TXLNB: variants seen among roughly 807,000 people sequenced by gnomAD.
TXLNB encodes the protein taxilin beta.
Under a neutral mutation model 57.4 loss-of-function variants are expected in TXLNB, and 37 were observed. That is an observed-to-expected ratio of 0.64 (90% CI 0.50 to 0.85). The LOEUF is 0.85. TXLNB is among the 40% of genes least tolerant of loss of function. TXLNB has a pLI of 0.00. For synonymous variants in TXLNB, 302 were observed against 309.6 expected, an observed-to-expected ratio of 0.98 and a Z score of 0.26; for missense variants, 848 against 825.6, an observed-to-expected ratio of 1.03 and a Z score of -0.33.
intron 3 of TXLNB, 104 bp from the exon 4 acceptor site, chr6:139,270,730 A>AT (rs1454624495): frequency 6.1e-6 from 6 of 979,882 alleles, no homozygotes; most frequent in Admixed American, 5.4e-5. Flanking sequence ...GTTTGGAAAC[A>AT]TTTTTTGCTA....
Position 139,288,719 on chromosome 6 carries a change from G to C in TXLNB, c.181C>G (p.Arg61Gly), listed in dbSNP as rs751023549. 6.2e-7 allele frequency: 1 copy of C among 1,614,016 alleles called. No homozygotes were observed. Among genetic ancestry groups the C allele is most frequent in the Non-Finnish European group, 8.5e-7 (1 of 1,180,032 alleles). ...GTGTTAATGATGTCTTCCAGCTGTC[G>C]ATTCAGCTCTTCAGAGATATCGGGG... is the stretch of plus-strand genomic sequence containing the variant. Reference protein sequence around the residue: ...VHPDISEELNRQLEDIINTYG... With the variant: ...VHPDISEELNGQLEDIINTYG... Residue 61 changes from arginine (R) to glycine (G), a missense_variant, in exon 2 of 10, where the codon CGA (arginine) becomes GGA (glycine). Physicochemically the swap from Arg to Gly is moderately radical, Grantham distance 125. Coordinates refer to ENST00000358430, the MANE Select transcript of TXLNB (RefSeq NM_153235.4).
chr6:139,210,656 C>A, the TXLNB span, among the ~76,000 whole-genome samples: 1 of 152,214 alleles, frequency 6.6e-6, no homozygotes, highest in African/African-American at 2.4e-5. Flanking sequence ...GTGCAGTGCA[C>A]CGTGCGTGAG....
the TXLNB span, chr6:139,178,182 A>G: frequency 6.6e-6 from 1 of 152,236 alleles, no homozygotes; most frequent in Non-Finnish European, 1.5e-5. Flanking sequence ...AATGCATAGC[A>G]GTATGTTTGA....
intron 2 of TXLNB, among the ~76,000 whole-genome samples, chr6:139,285,280 A>G (rs1271376256): frequency 7.0e-6 from 1 of 141,934 alleles, no homozygotes; most frequent in Non-Finnish European, 1.6e-5. Context: ...ACACACACAC[A>G]CACACACACA....
At chr6:139,167,362 T>C in the TXLNB span, 1 of 1,460,578 alleles carries the variant, frequency 6.8e-7, no homozygotes, top group East Asian at 2.3e-5. Flanking sequence ...TTTCTGTTTG[T>C]TAAAAACCAA....
chr6:139,276,697 G>A lies in TXLNB; in HGVS notation c.516+133C>T, dbSNP rs75358061. Reference sequence around the variant, plus strand: ...TTAGCTGTGGGTCTCATAATCTGCAGGGTTAGCGCACAGACCTCAGATGTT... The same window carrying A: ...TTAGCTGTGGGTCTCATAATCTGCAAGGTTAGCGCACAGACCTCAGATGTT... On this transcript the variant is annotated intron_variant, in intron 3 of 9. Coordinates refer to ENST00000358430, the MANE Select transcript of TXLNB (RefSeq NM_153235.4). 1,616 of 663,074 alleles carry A rather than the reference G, an allele frequency of 2.4e-3. 20 individuals are homozygous for A. The African/African-American group carries it at 0.027, about 11-fold the overall frequency. 41.1% of individuals were successfully genotyped at this position (663,074 alleles called of 1,614,324 possible).
At chr6:139,289,286 T>A (rs1304905469) in intron 1 of TXLNB, among the ~76,000 whole-genome samples, 3 of 152,142 alleles carry the variant, frequency 2.0e-5, no homozygotes, top group Non-Finnish European at 2.9e-5. Flanking sequence ...CTATCCTGTT[T>A]TGTTTCGATC....
At chr6:139,204,534 A>G in the TXLNB span, among the ~76,000 whole-genome samples, 2 of 152,114 alleles carry the variant, frequency 1.3e-5, no homozygotes, top group Admixed American at 1.3e-4. Flanking sequence ...GAAGCTCCCA[A>G]CTGAATTTTG....
the TXLNB span, chr6:139,166,785 C>T: frequency 6.2e-7 from 1 of 1,613,586 alleles, no homozygotes. Flanking sequence ...GTGGGTGCCG[C>T]AGCCTACGGT....
At chr6:139,212,529 A>C in the TXLNB span, among the ~76,000 whole-genome samples, 1 of 152,232 alleles carries the variant, frequency 6.6e-6, no homozygotes, top group Admixed American at 6.5e-5. Context: ...AAAACATGCC[A>C]AATTGTAAAG....
the TXLNB span, among the ~76,000 whole-genome samples, chr6:139,233,886 G>A: frequency 5.9e-5 from 9 of 152,270 alleles, no homozygotes; most frequent in South Asian, 2.1e-4. Flanking sequence ...TGGAGGGCTC[G>A]GAAGATGTGG....
the TXLNB span, among the ~76,000 whole-genome samples, chr6:139,233,250 GTTAAA>G: frequency 1.3e-5 from 2 of 150,864 alleles, no homozygotes; most frequent in Non-Finnish European, 3.0e-5. Context: ...GCTGACAGTG[GTTAAA>G]TTAGAGTGAT....
upstream of TXLNB, among the ~76,000 whole-genome samples, chr6:139,296,288 T>C (rs951520533): frequency 2.6e-5 from 4 of 152,232 alleles, no homozygotes; most frequent in African/African-American, 7.2e-5. Flanking sequence ...ACTTGATTGA[T>C]AGTTTGGCTA....
At chr6:139,255,694 T>G in intron 6 of TXLNB, 56 bp from the exon 7 acceptor site, 1 of 1,409,006 alleles carries the variant, frequency 7.1e-7, no homozygotes, top group South Asian at 1.2e-5. Context: ...TAGATTACTA[T>G]TTGGCTGTAA....
At chr6:139,322,408 A>G in the TXLNB span, among the ~76,000 whole-genome samples, 1 of 152,186 alleles carries the variant, frequency 6.6e-6, no homozygotes, top group Non-Finnish European at 1.5e-5. Flanking sequence ...CACTCCTGCC[A>G]GCCCTTTCCA....
the TXLNB span, among the ~76,000 whole-genome samples, chr6:139,208,963 T>C: frequency 1.4e-3 from 213 of 152,186 alleles, 1 homozygote; most frequent in African/African-American, 4.8e-3. Flanking sequence ...GAGAAGGAAA[T>C]AAAGGACATC....
chr6:139,296,944 T>A (rs1455521944), upstream of TXLNB, among the ~76,000 whole-genome samples: 1 of 152,086 alleles, frequency 6.6e-6, no homozygotes, highest in Admixed American at 6.6e-5. Flanking sequence ...ATCCTACTAT[T>A]TGTAGTCTCC....
At chr6:139,221,470 TTTTC>T in the TXLNB span, among the ~76,000 whole-genome samples, 4 of 152,272 alleles carry the variant, frequency 2.6e-5, no homozygotes, top group East Asian at 1.9e-4. Context: ...TCATCTCCAT[TTTTC>T]TTTCTTTCTT....
the TXLNB span, among the ~76,000 whole-genome samples, chr6:139,181,107 G>GTGTT: frequency 8.2e-6 from 1 of 122,462 alleles, no homozygotes; most frequent in African/African-American, 3.5e-5. Context: ...AGATAGTATA[G>GTGTT]TGTTAAAGAT....
Sources: allele counts gnomAD v4.1 joint callset (sites outside exome capture counted in the v4.1 genomes callset), GRCh38; gene constraint gnomAD v4.1.1; transcripts MANE v1.5; gene names NCBI Gene and HGNC (gene_info 2026-07-23, HGNC 2026-07-21).